Variants in EML5 observed in about 807,000 individuals in gnomAD.
The protein encoded by EML5 is EMAP like 5.
A neutral mutation model predicts 250.0 loss-of-function variants in EML5; 120 were observed. The observed-to-expected ratio is 0.48, with a 90% CI of 0.41 to 0.56. The LOEUF (loss-of-function observed/expected upper bound fraction) is 0.56, where lower values mean the gene tolerates loss of function less well. Among genes scored for constraint, EML5 ranks in the 20% least tolerant of loss-of-function variants. The pLI is 0.00. For synonymous variants in EML5, 771 were observed against 806.5 expected (o/e 0.96, Z 0.75); for missense variants, 2,006 against 2,437.6 (o/e 0.82, Z 3.73).
chr14:88,726,231 A>G (rs989242280), intron 8 of EML5, among the ~76,000 whole-genome samples: 2 of 152,194 alleles, frequency 1.3e-5, no homozygotes, highest in Admixed American at 1.3e-4. Flanking sequence ...CTGAAAATCT[A>G]TACTAACAGG....
At chr14:88,616,394 G>C (rs1187479852) in intron 42 of EML5, 152 bp from the exon 43 acceptor site, 12 of 743,378 alleles carry the variant, frequency 1.6e-5, no homozygotes, top group Middle Eastern at 2.4e-4. Flanking sequence ...AGCATGAGTA[G>C]TGGATCTGCA....
In EML5 at chr14:88,615,728, G is replaced by T; in HGVS notation, c.*90C>A. The T allele has an allele frequency of 8.1e-7, 1 of 1,230,236 alleles. No homozygotes were observed. Among genetic ancestry groups the T allele is most frequent in the Non-Finnish European group, 1.2e-6 (1 of 866,906 alleles). 76.2% of individuals were successfully genotyped at this position (1,230,236 alleles called of 1,614,324 possible). ...TTCTCCCTGTTACAGTCTTGGGTTA[G>T]CACCACTTGACCATGCAGGGTTGGG... On this transcript the variant is annotated 3_prime_UTR_variant, in exon 44 of 44. Transcript: ENST00000554922.
At chr14:88,786,330 CCTT>C (rs2094550924) in intron 1 of EML5, among the ~76,000 whole-genome samples, 1 of 152,094 alleles carries the variant, frequency 6.6e-6, no homozygotes, top group Admixed American at 6.5e-5. Flanking sequence ...ATAAAATTTA[CCTT>C]CTTTATTCTG....
At chr14:88,783,319 T>C (rs1213074622) in intron 1 of EML5, among the ~76,000 whole-genome samples, 1 of 152,036 alleles carries the variant, frequency 6.6e-6, no homozygotes, top group Non-Finnish European at 1.5e-5. Context: ...GGTGTAAATG[T>C]AAAGGACTAA....
chr14:88,677,801 TG>T (rs2092629239), intron 21 of EML5, among the ~76,000 whole-genome samples: 1 of 152,186 alleles, frequency 6.6e-6, no homozygotes, highest in African/African-American at 2.4e-5. Context: ...AAACAATAGA[TG>T]GTGCTAAGGC....
rs138521704 is a variant in EML5, at chr14:88,649,830, G to GA, written c.4019+81dup. The stretch of plus-strand genomic sequence containing the variant: ...CAAATGTAGTTAAATGTTTTATAGG[G>GA]AAAAAATACCTTAAAATACCATAAA... On this transcript the variant is annotated intron_variant, in intron 28 of 43. Coordinates refer to ENST00000554922, the MANE Select transcript of EML5 (RefSeq NM_183387.3). 1,162 of 1,165,320 alleles carry GA rather than the reference G, an allele frequency of 1.0e-3. 20 individuals are homozygous for GA. In the East Asian group the frequency reaches 0.029, roughly 29 times the overall value. The allele number at this position is 1,165,320 out of a possible 1,614,324, so 72.2% of individuals were successfully genotyped here. A position where few individuals can be genotyped will look rare whatever the true frequency, so the allele number is the denominator to read the frequency against.
chr14:88,653,122 T>C (rs933856868), intron 27 of EML5, among the ~76,000 whole-genome samples: 1 of 152,186 alleles, frequency 6.6e-6, no homozygotes, highest in Non-Finnish European at 1.5e-5. Flanking sequence ...AGAGGAATGC[T>C]TGTGATTTTT....
At chr14:88,779,629 G>T (rs938893526) in intron 1 of EML5, among the ~76,000 whole-genome samples, 4 of 152,148 alleles carry the variant, frequency 2.6e-5, no homozygotes, top group African/African-American at 9.7e-5. Flanking sequence ...AACTTTGTTT[G>T]TCACCCTACT....
At position 88,679,271 on chromosome 14, in the gene EML5, G is replaced by A. The variant is rs988726065; in HGVS notation, c.3124+2619C>T. Reference sequence around the variant, plus strand: ...AGAACTTCAACATATCTTTTCAGGGGGACACAACTCAACTCACAACAAATA... The same window carrying A: ...AGAACTTCAACATATCTTTTCAGGGAGACACAACTCAACTCACAACAAATA... On this transcript the variant is annotated intron_variant, in intron 21 of 43. Transcript: ENST00000554922. Among the ~76,000 whole-genome samples, 98 of 149,742 alleles carry A rather than the reference G, an allele frequency of 6.5e-4. No homozygotes were observed. The Admixed American group carries it at 6.5e-3, about 10-fold the overall frequency.
intron 1 of EML5, among the ~76,000 whole-genome samples, chr14:88,786,019 A>G (rs1348763316): frequency 2.6e-5 from 4 of 152,182 alleles, no homozygotes; most frequent in Non-Finnish European, 5.9e-5. Flanking sequence ...CTTTCCTTCA[A>G]GTTCACTCTG....
At chr14:88,712,721 G>C (rs779522799) in intron 9 of EML5, among the ~76,000 whole-genome samples, 5 of 152,160 alleles carry the variant, frequency 3.3e-5, no homozygotes, top group Non-Finnish European at 5.9e-5. Context: ...TGCCTTGAAT[G>C]ATTAGCTTAG....
intron 5 of EML5, 37 bp downstream of exon 5, chr14:88,740,350 A>T: frequency 6.5e-7 from 1 of 1,532,116 alleles, no homozygotes; most frequent in Non-Finnish European, 8.9e-7. Context: ...GTTAAGTAAT[A>T]CACATGAAAG....
chr14:88,695,603 A>T, intron 15 of EML5, 149 bp from the exon 16 acceptor site: 1 of 714,050 alleles, frequency 1.4e-6, no homozygotes, highest in Non-Finnish European at 2.2e-6. Flanking sequence ...AAAAAGAACC[A>T]GAATTTATAA....
At chr14:88,759,685 T>TAAAAAAAAAAAAA (rs58676323) in intron 1 of EML5, among the ~76,000 whole-genome samples, 24 of 92,896 alleles carry the variant, frequency 2.6e-4, no homozygotes, top group Admixed American at 6.9e-4. Flanking sequence ...CACCATCTCT[T>TAAAAAAAAAAAAA]AAAAAAAAAA....
intron 4 of EML5, among the ~76,000 whole-genome samples, chr14:88,742,269 G>T (rs1397966093): frequency 6.6e-6 from 1 of 151,768 alleles, no homozygotes; most frequent in Non-Finnish European, 1.5e-5. Context: ...ACACACACAC[G>T]CTTTCCAATA....
intron 21 of EML5, among the ~76,000 whole-genome samples, chr14:88,669,223 A>G (rs1375778170): frequency 3.9e-5 from 6 of 152,164 alleles, no homozygotes; most frequent in African/African-American, 1.4e-4. Context: ...TTGAGTCCCA[A>G]GCATAGAGCT....
Position 88,658,265 on chromosome 14 carries a change from T to C in EML5, c.3799A>G (p.Thr1267Ala). 1 of 1,613,856 alleles carries C rather than the reference T, an allele frequency of 6.2e-7. No homozygotes were observed. The highest frequency in any genetic ancestry group is 8.5e-7 in the Non-Finnish European group (1 of 1,179,830). Reference sequence around the variant, plus strand: ...TCTCGATAGCCTTCCATCTCATTTGTCCACACCATTAAAGACATATCTGTA... The same window carrying C: ...TCTCGATAGCCTTCCATCTCATTTGCCCACACCATTAAAGACATATCTGTA... ...GGTDMSLMVW[T>A]NEMEGYREKR... is the part of the protein sequence containing the mutation. The change falls in exon 26 of 44, where the codon ACA becomes GCA. Residue 1267 changes from threonine to alanine, a missense_variant. Transcript: ENST00000554922.
chr14:88,738,175 C>T (rs1373507886), intron 6 of EML5, among the ~76,000 whole-genome samples: 1 of 152,094 alleles, frequency 6.6e-6, no homozygotes, highest in Admixed American at 6.5e-5. Context: ...TACCAATTAA[C>T]ATTTACATGC....
chr14:88,684,952 C>T (rs2092798598), intron 20 of EML5, 63 bp downstream of exon 20: 7 of 1,401,310 alleles, frequency 5.0e-6, no homozygotes, highest in East Asian at 2.5e-5. Context: ...ACTTTTGGCT[C>T]TTATATATTG....
Sources: gnomAD v4.1 joint callset for allele counts (sites outside exome capture counted in the v4.1 genomes callset) on GRCh38, gnomAD v4.1.1 for gene constraint, MANE v1.5 for transcripts, NCBI Gene and HGNC (gene_info 2026-07-23, HGNC 2026-07-21) for gene names.